The following POU6F2 variants were observed in gnomAD, a reference collection of about 807,000 sequenced individuals.
The protein encoded by POU6F2 is POU class 6 homeobox 2.
In POU6F2, 31 loss-of-function variants were observed where a neutral mutation model predicts 71.3. That is an observed-to-expected ratio of 0.43 (90% CI 0.33 to 0.59). POU6F2 has a LOEUF of 0.59. Ranked by LOEUF, POU6F2 falls within the 20% of genes least tolerant of loss-of-function variation. The pLI is 0.04. For missense variants in POU6F2, 783 were observed against 856.8 expected (o/e 0.91, Z 1.07); for synonymous variants, 347 against 355.7 (o/e 0.98, Z 0.27).
chr7:39,158,650 G>A (rs1014704795), intron 2 of POU6F2, among the ~76,000 whole-genome samples: 1 of 152,142 alleles, frequency 6.6e-6, no homozygotes, highest in Non-Finnish European at 1.5e-5. Flanking sequence ...AGAGAAGGGT[G>A]TTCCAACTCC....
At chr7:39,015,885 T>A (rs868472270) in intron 1 of POU6F2, among the ~76,000 whole-genome samples, 1,541 of 33,718 alleles carry the variant, frequency 0.046, 147 homozygotes, top group African/African-American at 0.13. Context: ...AGATATATAT[T>A]ATATATTATA....
At chr7:39,195,769 G>C (rs1158770143) in intron 2 of POU6F2, among the ~76,000 whole-genome samples, 1 of 152,166 alleles carries the variant, frequency 6.6e-6, no homozygotes, top group African/African-American at 2.4e-5. Flanking sequence ...GAATGTTTTA[G>C]AAGTGGGCTG....
chr7:39,129,774 T>A (rs975789920), intron 2 of POU6F2, among the ~76,000 whole-genome samples: 5 of 152,124 alleles, frequency 3.3e-5, no homozygotes, highest in East Asian at 3.9e-4. Context: ...ATTTAAAAAA[T>A]TTTTTTCGGC....
At chr7:39,203,535 G>A (rs1435033344) in intron 2 of POU6F2, among the ~76,000 whole-genome samples, 1 of 152,190 alleles carries the variant, frequency 6.6e-6, no homozygotes, top group Non-Finnish European at 1.5e-5. Flanking sequence ...CATGATAAAA[G>A]GGTTTGAAGG....
At chr7:39,186,425 CTTTG>C (rs1001906775) in intron 2 of POU6F2, among the ~76,000 whole-genome samples, 46 of 152,254 alleles carry the variant, frequency 3.0e-4, no homozygotes, top group African/African-American at 1.1e-3. Context: ...TCTCCCTGGT[CTTTG>C]TTTATTTATA....
rs141274435 is a variant in POU6F2 at position 39,166,596 on chromosome 7, G to A, written c.278-37639G>A. Among the ~76,000 whole-genome samples, 214 of 152,248 alleles carry A rather than the reference G, an allele frequency of 1.4e-3. 1 individual carries two copies. Among genetic ancestry groups the A allele is most frequent in the African/African-American group, 4.7e-3 (197 of 41,552 alleles). On this transcript the variant is annotated intron_variant, in intron 2 of 9. Transcript: ENST00000518318. ...CTGTTATCTGTGAAAGCCGGAGCCT[G>A]TCACTAGCCCTTAGGAAAGTCACAC... is the stretch of plus-strand genomic sequence containing the variant.
At chr7:39,102,994 C>G (rs1224222610) in intron 2 of POU6F2, among the ~76,000 whole-genome samples, 1 of 152,002 alleles carries the variant, frequency 6.6e-6, no homozygotes, top group Non-Finnish European at 1.5e-5. Flanking sequence ...TTGACCAAAA[C>G]TTTGTTCTGT....
chr7:38,983,659 C>T (rs748519735), intron 1 of POU6F2, among the ~76,000 whole-genome samples: 9 of 151,962 alleles, frequency 5.9e-5, no homozygotes, highest in Admixed American at 1.3e-4. Context: ...TTCCCAGTTC[C>T]ACAATGTGAG....
chr7:39,257,477 A>G (rs1283227622), intron 4 of POU6F2, among the ~76,000 whole-genome samples: 4 of 152,096 alleles, frequency 2.6e-5, no homozygotes, highest in African/African-American at 2.4e-5. Flanking sequence ...TCTGAAAATA[A>G]TTGTTTGTTA....
chr7:39,309,024 T>A (rs1039436324), intron 4 of POU6F2, among the ~76,000 whole-genome samples: 1 of 152,266 alleles, frequency 6.6e-6, no homozygotes, highest in African/African-American at 2.4e-5. Context: ...TACACAGATG[T>A]TACTGCTCGC....
At chr7:39,179,884 T>C (rs565538880) in intron 2 of POU6F2, among the ~76,000 whole-genome samples, 1 of 152,292 alleles carries the variant, frequency 6.6e-6, no homozygotes, top group South Asian at 2.1e-4. Context: ...GTATTTCATT[T>C]CTCCCATCTT....
At chr7:39,161,940 G>T (rs1793007121) in intron 2 of POU6F2, among the ~76,000 whole-genome samples, 1 of 152,150 alleles carries the variant, frequency 6.6e-6, no homozygotes, top group Non-Finnish European at 1.5e-5. Flanking sequence ...TCACCTGCAT[G>T]GTAGAGTAAC....
At chr7:39,049,902 A>G (rs1790370511) in intron 1 of POU6F2, among the ~76,000 whole-genome samples, 1 of 151,982 alleles carries the variant, frequency 6.6e-6, no homozygotes, top group Admixed American at 6.6e-5. Flanking sequence ...GCATCTGAGG[A>G]CACTCAGAGA....
chr7:39,345,888 A>G (rs1266926084), intron 5 of POU6F2, among the ~76,000 whole-genome samples: 1 of 152,244 alleles, frequency 6.6e-6, no homozygotes, highest in African/African-American at 2.4e-5. Flanking sequence ...TAGCCTAAAG[A>G]TATAAAAGAG....
chr7:39,088,333 T>A (rs1791298283), intron 2 of POU6F2, among the ~76,000 whole-genome samples: 1 of 152,188 alleles, frequency 6.6e-6, no homozygotes, highest in East Asian at 1.9e-4. Context: ...TTTTTAATAT[T>A]ACTGGGACTT....
At chr7:39,419,564 T>C (rs7459210) in intron 6 of POU6F2, among the ~76,000 whole-genome samples, 55,608 of 151,854 alleles carry the variant, frequency 0.37, 11,887 homozygotes, top group East Asian at 0.61. Context: ...TTTAATATAT[T>C]GAAGTTTTAT....
intron 4 of POU6F2, among the ~76,000 whole-genome samples, chr7:39,315,100 G>C (rs1277451255): frequency 6.6e-6 from 1 of 152,188 alleles, no homozygotes; most frequent in Non-Finnish European, 1.5e-5. Context: ...AGCATAGAAA[G>C]AAAAGTTTGT....
At chr7:39,369,745 G>T (rs1786571933) in intron 5 of POU6F2, among the ~76,000 whole-genome samples, 1 of 151,994 alleles carries the variant, frequency 6.6e-6, no homozygotes, top group Non-Finnish European at 1.5e-5. Flanking sequence ...ATGCAGTGGT[G>T]TGATCATAGT....
chr7:39,428,491 G>C (rs1034937600), intron 6 of POU6F2, among the ~76,000 whole-genome samples: 3 of 152,218 alleles, frequency 2.0e-5, no homozygotes, highest in African/African-American at 7.2e-5. Flanking sequence ...CAATGCCTGA[G>C]CTATTTGCTG....
Sources: allele counts gnomAD v4.1 joint callset (sites outside exome capture counted in the v4.1 genomes callset), GRCh38; gene constraint gnomAD v4.1.1; transcripts MANE v1.5; gene names NCBI Gene and HGNC (gene_info 2026-07-23, HGNC 2026-07-21).